Variants in CEP112 observed in about 807,000 individuals in gnomAD.
CEP112 encodes the protein centrosomal protein of 112 kDa.
In CEP112, 127 loss-of-function variants were observed where a neutral mutation model predicts 153.0. The observed-to-expected ratio is 0.83, with a 90% CI of 0.72 to 0.96. CEP112 has a LOEUF of 0.96. Ranked by LOEUF, CEP112 falls within the 40% of genes least tolerant of loss-of-function variation. The pLI is 0.00. For missense variants in CEP112, 1,089 were observed against 1,101.2 expected (o/e 0.99, Z 0.16); for synonymous variants, 358 against 374.4 (o/e 0.96, Z 0.51).
At chr17:65,881,154 T>G (rs985311052) in intron 20 of CEP112, among the ~76,000 whole-genome samples, 1 of 152,014 alleles carries the variant, frequency 6.6e-6, no homozygotes, top group Non-Finnish European at 1.5e-5. Context: ...GAGGCGGAGT[T>G]TGCAGTGAGC....
At chr17:65,721,165 C>A (rs1256368840) in intron 23 of CEP112, among the ~76,000 whole-genome samples, 2 of 152,110 alleles carry the variant, frequency 1.3e-5, no homozygotes, top group Non-Finnish European at 2.9e-5. Context: ...TGCTCGCTAC[C>A]ATGCCTGGCT....
chr17:65,849,104 C>T (rs530932882), intron 21 of CEP112, among the ~76,000 whole-genome samples: 5 of 152,294 alleles, frequency 3.3e-5, no homozygotes, highest in African/African-American at 1.2e-4. Flanking sequence ...TTTCGATGAT[C>T]CTGAAGCTAT....
At chr17:65,679,376 C>A (rs1294666518) in intron 24 of CEP112, among the ~76,000 whole-genome samples, 1 of 151,742 alleles carries the variant, frequency 6.6e-6, no homozygotes, top group Non-Finnish European at 1.5e-5. Context: ...CGAAACAAAC[C>A]AGAATAATAA....
At chr17:65,853,622 G>A (rs1048884190) in intron 20 of CEP112, among the ~76,000 whole-genome samples, 4 of 151,944 alleles carry the variant, frequency 2.6e-5, no homozygotes, top group East Asian at 1.9e-4. Context: ...CCAGCTGCTC[G>A]GAAGGCGGAG....
rs185299129 is a variant in CEP112 at position 65,736,861 on chromosome 17, A to G, written c.2607+6207T>C. ...TACCATTAACAGGATATTCCGGACA[A>G]CTACTAGTCCAAGCTGACTGTACAG... On this transcript the variant is annotated intron_variant, in intron 23 of 26. Coordinates refer to ENST00000535342, the MANE Select transcript of CEP112 (RefSeq NM_001199165.4). Among the ~76,000 whole-genome samples, 294 of 152,270 alleles carry G rather than the reference A, an allele frequency of 1.9e-3. 3 individuals carry two copies. The highest frequency in any genetic ancestry group is 6.5e-3 in the African/African-American group (272 of 41,554).
intron 4 of CEP112, among the ~76,000 whole-genome samples, chr17:66,171,278 T>C (rs2072232323): frequency 1.3e-5 from 2 of 152,138 alleles, no homozygotes; most frequent in Admixed American, 1.3e-4. Context: ...AAGCAGGATT[T>C]TATAAAGTGA....
intron 24 of CEP112, among the ~76,000 whole-genome samples, chr17:65,662,198 T>G (rs1317811138): frequency 6.6e-6 from 1 of 152,188 alleles, no homozygotes; most frequent in Non-Finnish European, 1.5e-5. Flanking sequence ...TAATGAATAT[T>G]AACTTGGCTT....
At chr17:66,092,328 C>A (rs2068170223) in intron 8 of CEP112, among the ~76,000 whole-genome samples, 1 of 148,880 alleles carries the variant, frequency 6.7e-6, no homozygotes, top group South Asian at 2.2e-4. Context: ...GTGTGAGCCA[C>A]CGAGTCCGGC....
chr17:65,950,805 A>T (rs1366899350), intron 18 of CEP112, among the ~76,000 whole-genome samples: 1 of 152,048 alleles, frequency 6.6e-6, no homozygotes, highest in Non-Finnish European at 1.5e-5. Flanking sequence ...AAAAGCAGAC[A>T]TCTTTGCCTT....
At chr17:65,896,469 C>G (rs1006848923) in intron 20 of CEP112, among the ~76,000 whole-genome samples, 1 of 151,918 alleles carries the variant, frequency 6.6e-6, no homozygotes, top group African/African-American at 2.4e-5. Context: ...CTTAAAGCAG[C>G]ATTTTCCTAT....
intron 21 of CEP112, among the ~76,000 whole-genome samples, chr17:65,835,193 T>TAAA (rs35890393): frequency 1.3e-4 from 17 of 130,814 alleles, no homozygotes; most frequent in East Asian, 2.2e-4. Context: ...AAAATAAAAG[T>TAAA]AAAAAAAAAA....
At chr17:65,684,733 C>T (rs2047697797) in intron 24 of CEP112, among the ~76,000 whole-genome samples, 1 of 152,158 alleles carries the variant, frequency 6.6e-6, no homozygotes, top group African/African-American at 2.4e-5. Context: ...GTGTTTAACG[C>T]AGTGGAAAAT....
chr17:65,778,460 C>T (rs1001144660), intron 21 of CEP112, among the ~76,000 whole-genome samples: 8 of 152,130 alleles, frequency 5.3e-5, no homozygotes, highest in African/African-American at 1.9e-4. Flanking sequence ...TATTTAGAGT[C>T]CTGGTAACAT....
intron 17 of CEP112, among the ~76,000 whole-genome samples, chr17:65,974,390 CCTT>C (rs1480348282): frequency 6.6e-6 from 1 of 152,086 alleles, no homozygotes; most frequent in Non-Finnish European, 1.5e-5. Flanking sequence ...AAGGCATCCT[CCTT>C]ATTTGCAGCC....
At chr17:65,738,412 G>A (rs2050926928) in intron 23 of CEP112, among the ~76,000 whole-genome samples, 1 of 151,908 alleles carries the variant, frequency 6.6e-6, no homozygotes, top group Non-Finnish European at 1.5e-5. Context: ...CAATTCCTCT[G>A]TTTTACTCTA....
At position 65,714,973 on chromosome 17, in the gene CEP112, G is replaced by A. The variant is rs570281122; in HGVS notation, c.2608-25755C>T. ...GATACATGATTGACTTATTTGCAACGGTAATACTACAAGCAGCAGGTGGAG... is the reference window on the plus strand; with the variant it reads ...GATACATGATTGACTTATTTGCAACAGTAATACTACAAGCAGCAGGTGGAG... On this transcript the variant is annotated intron_variant, in intron 23 of 26. Coordinates refer to ENST00000535342, the MANE Select transcript of CEP112 (RefSeq NM_001199165.4). Among the ~76,000 whole-genome samples the A allele has an allele frequency of 4.6e-5, 7 of 152,128 alleles. No individual in the cohort carries two copies. In the East Asian group the frequency reaches 7.8e-4, roughly 17 times the overall value.
At chr17:65,854,181 C>T (rs988188421) in intron 20 of CEP112, among the ~76,000 whole-genome samples, 2 of 151,952 alleles carry the variant, frequency 1.3e-5, no homozygotes, top group Non-Finnish European at 2.9e-5. Context: ...GACTGGAAAC[C>T]AGAAAAATAA....
At chr17:66,000,757 T>C (rs1330272755) in intron 17 of CEP112, among the ~76,000 whole-genome samples, 1 of 152,202 alleles carries the variant, frequency 6.6e-6, no homozygotes, top group Non-Finnish European at 1.5e-5. Context: ...GGAGGTCAGC[T>C]GAAGTTGTGC....
chr17:65,732,933 C>A (rs2050593194), intron 23 of CEP112, among the ~76,000 whole-genome samples: 1 of 152,202 alleles, frequency 6.6e-6, no homozygotes, highest in African/African-American at 2.4e-5. Flanking sequence ...TTCATGTGTT[C>A]ACTGGAGTAG....
Sources: gnomAD v4.1 joint callset for allele counts (sites outside exome capture counted in the v4.1 genomes callset) on GRCh38, gnomAD v4.1.1 for gene constraint, MANE v1.5 for transcripts, NCBI Gene and HGNC (gene_info 2026-07-23, HGNC 2026-07-21) for gene names.